DGKB: variants seen among roughly 807,000 people sequenced by gnomAD.
DGKB encodes diacylglycerol kinase beta, also known as 90 kDa diacylglycerol kinase.
A neutral mutation model predicts 114.3 loss-of-function variants in DGKB; 67 were observed. That is an observed-to-expected ratio of 0.59 (90% CI 0.48 to 0.72). The LOEUF (loss-of-function observed/expected upper bound fraction) is 0.72. Among genes scored for constraint, DGKB ranks in the 30% least tolerant of loss-of-function variants. DGKB has a pLI of 0.00. For missense variants in DGKB, 907 were observed against 975.2 expected (o/e 0.93, Z 0.93); for synonymous variants, 398 against 323.1 (o/e 1.23, Z -2.49).
At chr7:14,640,224 A>T (rs549569126) in intron 13 of DGKB, among the ~76,000 whole-genome samples, 8 of 152,304 alleles carry the variant, frequency 5.3e-5, no homozygotes, top group African/African-American at 1.9e-4. Context: ...TAGGAAATTG[A>T]TATTTTATTA....
At chr7:14,458,808 T>G (rs1832670941) in intron 21 of DGKB, among the ~76,000 whole-genome samples, 1 of 152,124 alleles carries the variant, frequency 6.6e-6, no homozygotes, top group Non-Finnish European at 1.5e-5. Flanking sequence ...AGCTGCAGGA[T>G]TTGTTTTCAT....
chr7:14,528,782 C>A (rs1791066620), intron 20 of DGKB, among the ~76,000 whole-genome samples: 1 of 151,930 alleles, frequency 6.6e-6, no homozygotes, highest in Non-Finnish European at 1.5e-5. Flanking sequence ...GTAATTGGTA[C>A]CTTAAATTAG....
chr7:14,392,850 C>T (rs920309734), intron 21 of DGKB, among the ~76,000 whole-genome samples: 11 of 151,978 alleles, frequency 7.2e-5, no homozygotes, highest in Non-Finnish European at 1.2e-4. Flanking sequence ...ACCAAGATAG[C>T]TTTGGAATAA....
intron 21 of DGKB, among the ~76,000 whole-genome samples, chr7:14,346,541 T>C (rs564918152): frequency 1.2e-3 from 188 of 152,072 alleles, no homozygotes; most frequent in African/African-American, 4.0e-3. Context: ...ATAAGTTTCA[T>C]AGGATTCTAG....
chr7:14,244,168 A>G (rs1205542930), intron 23 of DGKB, among the ~76,000 whole-genome samples: 1 of 152,196 alleles, frequency 6.6e-6, no homozygotes, highest in Non-Finnish European at 1.5e-5. Context: ...AAAGTGGACT[A>G]GGCCTTGAAT....
intron 17 of DGKB, among the ~76,000 whole-genome samples, chr7:14,603,321 A>T (rs34922295): frequency 0.056 from 8,568 of 152,054 alleles, 687 homozygotes; most frequent in East Asian, 0.26. Flanking sequence ...AGTAAAGAAA[A>T]TTTTTTATTT....
At chr7:14,685,890 T>C (rs1292530477) in intron 9 of DGKB, among the ~76,000 whole-genome samples, 1 of 152,190 alleles carries the variant, frequency 6.6e-6, no homozygotes, top group East Asian at 1.9e-4. Context: ...GGTAAGTTAT[T>C]GGTGACATAC....
At chr7:14,154,271 A>T (rs1444855535) in intron 25 of DGKB, among the ~76,000 whole-genome samples, 1 of 151,778 alleles carries the variant, frequency 6.6e-6, no homozygotes, top group African/African-American at 2.4e-5. Flanking sequence ...ACAGGAAAGA[A>T]AATGTGATCG....
At chr7:14,686,772 C>T (rs796679824) in intron 9 of DGKB, among the ~76,000 whole-genome samples, 23 of 152,164 alleles carry the variant, frequency 1.5e-4, no homozygotes, top group African/African-American at 5.5e-4. Context: ...TAATGAAATG[C>T]TTCCTGGGCG....
At chr7:14,274,936 CA>C (rs1312310343) in intron 23 of DGKB, among the ~76,000 whole-genome samples, 2 of 133,826 alleles carry the variant, frequency 1.5e-5, no homozygotes, top group African/African-American at 6.2e-5. Context: ...CACTTCAGTC[CA>C]TAGCAGTGTG....
intron 13 of DGKB, among the ~76,000 whole-genome samples, chr7:14,653,797 A>G (rs547825596): frequency 1.3e-5 from 2 of 152,194 alleles, no homozygotes; most frequent in Admixed American, 6.6e-5. Context: ...CATAATAGAA[A>G]CCAAAACAAA....
chr7:14,195,445 A>G (rs1265765090), intron 23 of DGKB, among the ~76,000 whole-genome samples: 78 of 152,170 alleles, frequency 5.1e-4, no homozygotes, highest in Non-Finnish European at 1.5e-4. Flanking sequence ...TTATTCTCCT[A>G]AGAACTGAGC....
intron 2 of DGKB, among the ~76,000 whole-genome samples, chr7:14,785,922 T>G (rs1433844246): frequency 1.3e-5 from 2 of 151,290 alleles, no homozygotes; most frequent in Admixed American, 6.6e-5. Flanking sequence ...AGCTGTAAGA[T>G]CTACGGATAA....
At chr7:14,164,924 A>ATTTC (rs1251706038) in intron 25 of DGKB, among the ~76,000 whole-genome samples, 1 of 152,160 alleles carries the variant, frequency 6.6e-6, no homozygotes, top group African/African-American at 2.4e-5. Context: ...ACCATTCAAT[A>ATTTC]TTTCTTTGTG....
At chr7:14,254,405 T>C (rs1309133785) in intron 23 of DGKB, among the ~76,000 whole-genome samples, 2 of 152,252 alleles carry the variant, frequency 1.3e-5, no homozygotes, top group African/African-American at 4.8e-5. Context: ...GAACATAGAA[T>C]TTATCCTCAT....
Position 14,358,669 on chromosome 7 carries a change from C to CAG in DGKB, c.1836-13280_1836-13279dup, listed in dbSNP as rs1218668217. Among the ~76,000 whole-genome samples, 3 of 151,988 alleles carry CAG rather than the reference C, an allele frequency of 2.0e-5. No individual in the cohort carries two copies. In the East Asian group the frequency reaches 5.8e-4, roughly 29 times the overall value. On this transcript the variant is annotated intron_variant, in intron 21 of 25. Coordinates refer to ENST00000402815, the MANE Select transcript of DGKB (RefSeq NM_001350709.2). Reference sequence around the variant, plus strand: ...TTCCTATACACCAATAACAGACAAACAGAGCCAAATCATGAGTGAACTCCC... The same window carrying CAG: ...TTCCTATACACCAATAACAGACAAACAGAGAGCCAAATCATGAGTGAACTCCC...
At chr7:14,874,694 A>C (rs528456796) in intron 1 of DGKB, among the ~76,000 whole-genome samples, 1 of 152,246 alleles carries the variant, frequency 6.6e-6, no homozygotes. Context: ...TAAAAGATTA[A>C]AGCCATCTGA....
At chr7:14,284,430 A>T (rs1424505684) in intron 23 of DGKB, among the ~76,000 whole-genome samples, 1 of 145,002 alleles carries the variant, frequency 6.9e-6, no homozygotes, top group East Asian at 2.0e-4. Flanking sequence ...AAACTAGTTC[A>T]ACCACTGTGG....
At chr7:14,495,923 C>CA (rs983426157) in intron 20 of DGKB, among the ~76,000 whole-genome samples, 17 of 151,240 alleles carry the variant, frequency 1.1e-4, no homozygotes, top group Non-Finnish European at 2.2e-4. Flanking sequence ...ATTGACCACA[C>CA]AAAAAAAAGA....
Sources: gnomAD v4.1 joint callset for allele counts (sites outside exome capture counted in the v4.1 genomes callset) on GRCh38, gnomAD v4.1.1 for gene constraint, MANE v1.5 for transcripts, NCBI Gene and HGNC (gene_info 2026-07-23, HGNC 2026-07-21) for gene names.